The following FCHSD2 variants were observed in gnomAD, a reference collection of about 807,000 sequenced individuals.
FCHSD2 encodes the protein F-BAR and double SH3 domains protein 2.
Under a neutral mutation model 108.1 loss-of-function variants are expected in FCHSD2, and 38 were observed. The observed-to-expected ratio is 0.35, with a 90% CI of 0.27 to 0.46. The LOEUF (loss-of-function observed/expected upper bound fraction) is 0.46. Ranked by LOEUF, FCHSD2 falls within the 20% of genes least tolerant of loss-of-function variation. FCHSD2 has a pLI of 1.00. For missense variants in FCHSD2, 751 were observed against 897.8 expected, an observed-to-expected ratio of 0.84 and a Z score of 2.09; for synonymous variants, 279 against 314.7, an observed-to-expected ratio of 0.89 and a Z score of 1.20.
intron 14 of FCHSD2, 36 bp downstream of exon 14, chr11:72,849,719 C>A (rs180987795): frequency 6.6e-7 from 1 of 1,524,148 alleles, no homozygotes; most frequent in Non-Finnish European, 9.1e-7. Flanking sequence ...CAGAGTTAAT[C>A]AGAATTTAAT....
intron 12 of FCHSD2, among the ~76,000 whole-genome samples, chr11:72,868,710 C>T (rs928611747): frequency 6.6e-6 from 1 of 151,482 alleles, no homozygotes; most frequent in Non-Finnish European, 1.5e-5. Flanking sequence ...AACAAACAAA[C>T]AAACAAACAA....
intron 3 of FCHSD2, among the ~76,000 whole-genome samples, chr11:73,042,728 T>C (rs1363257782): frequency 6.6e-6 from 1 of 152,202 alleles, no homozygotes; most frequent in Non-Finnish European, 1.5e-5. Context: ...CTCTTTAATT[T>C]TTTTCATCAG....
At chr11:73,028,604 T>C (rs996668452) in intron 3 of FCHSD2, among the ~76,000 whole-genome samples, 3 of 152,144 alleles carry the variant, frequency 2.0e-5, no homozygotes, top group African/African-American at 7.2e-5. Context: ...TGAGACGGCA[T>C]GATTGTGTTT....
At chr11:73,034,888 T>C (rs1858449987) in intron 3 of FCHSD2, among the ~76,000 whole-genome samples, 1 of 152,144 alleles carries the variant, frequency 6.6e-6, no homozygotes. Flanking sequence ...ACAACACAAC[T>C]GAAAATCCTC....
In FCHSD2 at chr11:73,142,100, GGGCCCGGGC is replaced by G. The variant is rs537691420; in HGVS notation, c.-232_-224del. 2.8e-4 allele frequency: 131 copies of G among 463,396 alleles called. No individual in the cohort carries two copies. Among genetic ancestry groups the G allele is most frequent in the Middle Eastern group, 5.2e-4 (1 of 1,918 alleles). The allele number at this position is 463,396 out of a possible 1,614,324, so 28.7% of individuals were successfully genotyped here. ...GAGGGAGGAGCACCGGGAAGGCTTG[GGGCCCGGGC>G]GGCCCGGGCGGCCCGGGGGTGTGTG... On this transcript the variant is annotated 5_prime_UTR_variant, in exon 1 of 20. Coordinates refer to ENST00000409418, the MANE Select transcript of FCHSD2 (RefSeq NM_014824.3).
rs558043171 is a variant in FCHSD2 at position 73,080,278 on chromosome 11, T to C, written c.165+3417A>G. ...TGCCACTGCAATCCAGTCTGGGTGA[T>C]AGAGCAAGACCCTGTCTCAAAAAAA... On this transcript the variant is annotated intron_variant, in intron 3 of 19. Transcript: ENST00000409418. Among the ~76,000 whole-genome samples, 11 of 113,062 alleles carry C rather than the reference T, an allele frequency of 9.7e-5. No individual in the cohort carries two copies. In the South Asian group the frequency reaches 1.5e-3, roughly 16 times the overall value. 74.2% of individuals were successfully genotyped at this position (113,062 alleles called of 152,430 possible). A position where few individuals can be genotyped will look rare whatever the true frequency, so the allele number is the denominator to read the frequency against.
intron 8 of FCHSD2, among the ~76,000 whole-genome samples, chr11:72,930,574 G>A (rs780624488): frequency 5.3e-5 from 8 of 151,962 alleles, no homozygotes; most frequent in African/African-American, 9.7e-5. Context: ...GTGAAACCCC[G>A]TCTCTACCAA....
intron 12 of FCHSD2, among the ~76,000 whole-genome samples, chr11:72,884,794 T>A (rs1222956783): frequency 1.3e-5 from 2 of 151,974 alleles, no homozygotes; most frequent in South Asian, 2.1e-4. Flanking sequence ...CGATGTCTCA[T>A]CTGTTGCCCA....
chr11:73,141,535 C>G (rs1361524342), intron 1 of FCHSD2, among the ~76,000 whole-genome samples: 1 of 152,254 alleles, frequency 6.6e-6, no homozygotes, highest in East Asian at 1.9e-4. Context: ...CCCCGCCTCC[C>G]CCTCGGTGCA....
chr11:72,967,065 T>G (rs1179167677), intron 8 of FCHSD2, among the ~76,000 whole-genome samples: 1 of 151,960 alleles, frequency 6.6e-6, no homozygotes, highest in Non-Finnish European at 1.5e-5. Context: ...CCGGGCCTGG[T>G]GGCGGGCACC....
At chr11:73,039,349 C>T (rs937305454) in intron 3 of FCHSD2, among the ~76,000 whole-genome samples, 3 of 151,954 alleles carry the variant, frequency 2.0e-5, no homozygotes, top group African/African-American at 7.2e-5. Flanking sequence ...GAAATCCCAT[C>T]TCTACTAAAA....
intron 8 of FCHSD2, among the ~76,000 whole-genome samples, chr11:72,940,287 T>C (rs1856388761): frequency 6.6e-6 from 1 of 152,196 alleles, no homozygotes; most frequent in South Asian, 2.1e-4. Flanking sequence ...ACACTTTCAA[T>C]ACTGAAGGGC....
intron 8 of FCHSD2, among the ~76,000 whole-genome samples, chr11:72,964,325 C>G (rs144757924): frequency 6.6e-6 from 1 of 152,308 alleles, no homozygotes; most frequent in Non-Finnish European, 1.5e-5. Flanking sequence ...TGGCTCTTCC[C>G]TTTGCTTAAG....
At chr11:72,862,932 A>G (rs777870732) in intron 13 of FCHSD2, among the ~76,000 whole-genome samples, 31 of 152,038 alleles carry the variant, frequency 2.0e-4, no homozygotes, top group Non-Finnish European at 3.8e-4. Context: ...ATATATGATT[A>G]ATTTTTTTTT....
intron 10 of FCHSD2, among the ~76,000 whole-genome samples, chr11:72,896,494 G>A (rs1349698809): frequency 6.6e-6 from 1 of 152,062 alleles, no homozygotes; most frequent in Non-Finnish European, 1.5e-5. Flanking sequence ...ATGTACATAG[G>A]GCAGAGATGT....
At chr11:72,862,218 G>A (rs753896241) in intron 13 of FCHSD2, among the ~76,000 whole-genome samples, 28 of 152,150 alleles carry the variant, frequency 1.8e-4, no homozygotes, top group Non-Finnish European at 2.8e-4. Context: ...AACAAGGCAA[G>A]GATTTCTGTT....
At chr11:72,988,920 A>G (rs1236950306) in intron 6 of FCHSD2, 44 bp downstream of exon 6, 2 of 1,536,256 alleles carry the variant, frequency 1.3e-6, no homozygotes, top group East Asian at 2.3e-5. Flanking sequence ...CAACAATAAC[A>G]TTTATTTGCA....
At chr11:73,078,580 T>C (rs751473709) in intron 3 of FCHSD2, among the ~76,000 whole-genome samples, 1 of 152,058 alleles carries the variant, frequency 6.6e-6, no homozygotes, top group Non-Finnish European at 1.5e-5. Context: ...GGGTACATAT[T>C]CTATGATGCC....
chr11:73,125,022 T>C (rs1860820871), intron 2 of FCHSD2, among the ~76,000 whole-genome samples: 1 of 152,204 alleles, frequency 6.6e-6, no homozygotes, highest in Non-Finnish European at 1.5e-5. Context: ...CAACTCAGAA[T>C]TCTATATCCA....
Sources: allele counts gnomAD v4.1 joint callset (sites outside exome capture counted in the v4.1 genomes callset), GRCh38; gene constraint gnomAD v4.1.1; transcripts MANE v1.5; gene names NCBI Gene and HGNC (gene_info 2026-07-23, HGNC 2026-07-21).